The following CNPY1 variants were observed in gnomAD, a reference collection of about 807,000 sequenced individuals.
CNPY1 encodes canopy FGF signaling regulator 1.
In CNPY1, 14 loss-of-function variants were observed where a neutral mutation model predicts 14.4. The ratio of observed to expected loss-of-function variants is 0.97; its 90% confidence interval spans 0.64 to 1.52. CNPY1 has a LOEUF of 1.52. Among genes scored for constraint, CNPY1 ranks in the 40% most tolerant of loss-of-function variants. The pLI is 0.00. For missense variants in CNPY1, 129 were observed against 131.5 expected (o/e 0.98, Z 0.09); for synonymous variants, 43 against 46.5 (o/e 0.92, Z 0.31).
Position 155,526,899 on chromosome 7 carries a change from A to G in CNPY1, c.100-17802T>C, listed in dbSNP as rs1319699532. ...GAAATCCAATCAACAATACCTAAGGATGCAGCACCACGGAGGCTGCAGCGT... is the reference window on the plus strand; with the variant it reads ...GAAATCCAATCAACAATACCTAAGGGTGCAGCACCACGGAGGCTGCAGCGT... On this transcript the variant is annotated intron_variant, in intron 2 of 4. Transcript: ENST00000636446. Among the ~76,000 whole-genome samples the G allele has an allele frequency of 2.0e-5, 3 of 152,168 alleles. No individual in the cohort carries two copies. The East Asian group carries it at 5.8e-4, about 29-fold the overall frequency.
intron 2 of CNPY1, among the ~76,000 whole-genome samples, chr7:155,531,431 C>T (rs937679382): frequency 6.6e-6 from 1 of 152,182 alleles, no homozygotes; most frequent in Non-Finnish European, 1.5e-5. Context: ...GTTTGAGAGG[C>T]TTCGACAACT....
At position 155,523,757 on chromosome 7, in the gene CNPY1, T is replaced by G. The variant is rs545427232; in HGVS notation, c.100-14660A>C. ...AGAGACACTCAAGTCCTAACCCCAG[T>G]ACCTGTGAATGTGACCTTATTCAGA... On this transcript the variant is annotated intron_variant, in intron 2 of 4. Transcript: ENST00000636446. 2.0e-5 allele frequency among the ~76,000 whole-genome samples: 3 copies of G among 152,282 alleles called. No homozygotes were observed. The South Asian group carries it at 6.2e-4, about 32-fold the overall frequency.
chr7:155,543,119 C>A (rs1053277686), intron 2 of CNPY1, among the ~76,000 whole-genome samples: 3 of 152,188 alleles, frequency 2.0e-5, no homozygotes, highest in African/African-American at 7.2e-5. Flanking sequence ...GAAGACACGG[C>A]CTGTGTTTCT....
chr7:155,509,563 C>T (rs1053350234), intron 2 of CNPY1, among the ~76,000 whole-genome samples: 1 of 151,856 alleles, frequency 6.6e-6, no homozygotes, highest in Non-Finnish European at 1.5e-5. Flanking sequence ...AGAGAGCGCG[C>T]GCTCAGCTGG....
intron 2 of CNPY1, among the ~76,000 whole-genome samples, chr7:155,515,795 C>T (rs942744932): frequency 1.3e-5 from 2 of 152,018 alleles, no homozygotes; most frequent in African/African-American, 4.8e-5. Context: ...TTCTGGTTCC[C>T]AGGGTCTAGA....
At chr7:155,513,401 T>G (rs1227715956) in intron 2 of CNPY1, among the ~76,000 whole-genome samples, 1 of 152,206 alleles carries the variant, frequency 6.6e-6, no homozygotes, top group African/African-American at 2.4e-5. Flanking sequence ...CGTGAATTTG[T>G]GGTGTCCATA....
chr7:155,520,072 G>A (rs1796689644), intron 2 of CNPY1, among the ~76,000 whole-genome samples: 1 of 152,206 alleles, frequency 6.6e-6, no homozygotes, highest in Non-Finnish European at 1.5e-5. Context: ...GGGTAACTAG[G>A]TCGCCGTAGG....
In CNPY1 at chr7:155,501,246, A is replaced by T. The variant is rs1307603890; in HGVS notation, c.*1822T>A. ...AAGGTTCCTCGCCCTCTCCATTCAAAGCAAAGCATCACTGTCCATGAAAGG... is the reference window on the plus strand; with the variant it reads ...AAGGTTCCTCGCCCTCTCCATTCAATGCAAAGCATCACTGTCCATGAAAGG... On this transcript the variant is annotated 3_prime_UTR_variant, in exon 5 of 5. Transcript: ENST00000636446. 6.6e-6 allele frequency: 1 copy of T among 152,206 alleles called. No individual in the cohort carries two copies. The highest frequency in any genetic ancestry group is 1.5e-5 in the Non-Finnish European group (1 of 68,034). 9.4% of individuals were successfully genotyped at this position (152,206 alleles called of 1,614,324 possible).
At chr7:155,528,590 C>T (rs921377739) in intron 2 of CNPY1, among the ~76,000 whole-genome samples, 2 of 152,210 alleles carry the variant, frequency 1.3e-5, no homozygotes, top group African/African-American at 2.4e-5. Context: ...CCCCTGTCCC[C>T]GCATAGGCAG....
At chr7:155,535,588 C>T (rs749795764) in intron 2 of CNPY1, among the ~76,000 whole-genome samples, 14 of 152,196 alleles carry the variant, frequency 9.2e-5, no homozygotes, top group Non-Finnish European at 1.9e-4. Context: ...TGAGACAGGT[C>T]CAACCAACTG....
chr7:155,533,596 G>A (rs144448713), intron 2 of CNPY1, among the ~76,000 whole-genome samples: 8 of 152,290 alleles, frequency 5.3e-5, no homozygotes, highest in African/African-American at 1.9e-4. Flanking sequence ...GTCCCGGTCC[G>A]GCGTGAAACC....
chr7:155,512,800 G>A (rs570478929), intron 2 of CNPY1, among the ~76,000 whole-genome samples: 5 of 152,266 alleles, frequency 3.3e-5, no homozygotes, highest in African/African-American at 1.2e-4. Context: ...CGTTATTTTG[G>A]AGTGTCCTTC....
chr7:155,525,039 A>T (rs1167807032), intron 2 of CNPY1, among the ~76,000 whole-genome samples: 3 of 151,490 alleles, frequency 2.0e-5, no homozygotes, highest in African/African-American at 4.9e-5. Context: ...ACTACCCCTA[A>T]CTCCATGCTA....
chr7:155,519,998 T>A (rs2116712603), intron 2 of CNPY1, among the ~76,000 whole-genome samples: 1 of 152,380 alleles, frequency 6.6e-6, no homozygotes, highest in South Asian at 2.1e-4. Context: ...GTAACTCTGC[T>A]ATGAGGATTT....
Position 155,531,841 on chromosome 7 carries a change from C to T in CNPY1, c.99+13990G>A, listed in dbSNP as rs142835264. On this transcript the variant is annotated intron_variant, in intron 2 of 4. Transcript: ENST00000636446. ...GTGCCTCAGAAGTGGAGAAAAGGCT[C>T]GTTTTGCTTCACCAGTTCCCCAGAG... Among the ~76,000 whole-genome samples the T allele has an allele frequency of 2.9e-3, 446 of 152,318 alleles. 2 individuals are homozygous for T. The highest frequency in any genetic ancestry group is 0.01 in the African/African-American group (420 of 41,572).
rs1397574503 is a variant in CNPY1 at position 155,501,417 on chromosome 7, T to G, written c.*1651A>C. 6.6e-6 allele frequency: 1 copy of G among 152,236 alleles called. No homozygotes were observed. Among genetic ancestry groups the G allele is most frequent in the African/African-American group, 2.4e-5 (1 of 41,464 alleles). 9.4% of individuals were successfully genotyped at this position (152,236 alleles called of 1,614,324 possible). A position where few individuals can be genotyped will look rare whatever the true frequency, so the allele number is the denominator to read the frequency against. On this transcript the variant is annotated 3_prime_UTR_variant, in exon 5 of 5. Coordinates refer to ENST00000636446, the MANE Select transcript of CNPY1 (RefSeq NM_001393663.1). ...GATCAAAGAGAGTATGGAAACAGAT[T>G]TGGCAACACTTCTACGGTTACGACC...
chr7:155,507,718 A>G (rs1315158498), intron 3 of CNPY1, among the ~76,000 whole-genome samples: 1 of 152,156 alleles, frequency 6.6e-6, no homozygotes, highest in East Asian at 1.9e-4. Context: ...CACTTAAAAA[A>G]AAATACCTGA....
chr7:155,509,010 G>C lies in CNPY1; in HGVS notation c.187C>G (p.Pro63Ala), dbSNP rs200014430. Residue 63 changes from proline to alanine, a missense_variant, in exon 3 of 5, where the codon CCT becomes GCT. Coordinates refer to ENST00000636446, the MANE Select transcript of CNPY1 (RefSeq NM_001393663.1). ...TTGAAAGTTCTCTCCTTCGTCACAG[G>C]GTCTTCCTCAAGCTTGTAGTCGTTC... ...RMNDYKLEED[P>A]VTKERTFKRF... The C allele has an allele frequency of 1.4e-5, 22 of 1,613,774 alleles. No individual in the cohort carries two copies. In the Admixed American group the frequency reaches 2.5e-4, roughly 18 times the overall value.
chr7:155,520,428 C>CTTTTTTTTTTTTTTTTTTTTTTTTTTT (rs71522007), intron 2 of CNPY1, among the ~76,000 whole-genome samples: 2 of 69,410 alleles, frequency 2.9e-5, no homozygotes, highest in Non-Finnish European at 4.9e-5. Flanking sequence ...TTCTTTCTTT[C>CTTTTTTTTTTTTTTTTTTTTTTTTTTT]TTTTTTTTTT....
Sources: allele counts gnomAD v4.1 joint callset (sites outside exome capture counted in the v4.1 genomes callset), GRCh38; gene constraint gnomAD v4.1.1; transcripts MANE v1.5; gene names NCBI Gene and HGNC (gene_info 2026-07-23, HGNC 2026-07-21).